ATP8A2: variants seen among roughly 807,000 people sequenced by gnomAD.
The protein encoded by ATP8A2 is ATPase phospholipid transporting 8A2, also known as phospholipid-transporting ATPase IB.
A neutral mutation model predicts 165.6 loss-of-function variants in ATP8A2; 100 were observed. The observed-to-expected ratio is 0.60, with a 90% CI of 0.51 to 0.71. The LOEUF is 0.71. ATP8A2 is among the 30% of genes least tolerant of loss of function. The probability of loss-of-function intolerance (pLI) is 0.00; values close to 1 mark genes in which losing one functional copy is unlikely to be tolerated. For synonymous variants in ATP8A2, 543 were observed against 548.8 expected (o/e 0.99, Z 0.15); for missense variants, 1,227 against 1,479.5 (o/e 0.83, Z 2.80).
intron 25 of ATP8A2, among the ~76,000 whole-genome samples, chr13:25,713,502 A>G (rs2043194324): frequency 6.6e-6 from 1 of 152,218 alleles, no homozygotes; most frequent in Non-Finnish European, 1.5e-5. Flanking sequence ...GGAAAAAACC[A>G]GAAAGCTCTC....
At chr13:25,840,789 C>T (rs947610414) in intron 30 of ATP8A2, among the ~76,000 whole-genome samples, 2 of 152,134 alleles carry the variant, frequency 1.3e-5, no homozygotes, top group Admixed American at 1.3e-4. Flanking sequence ...ACTCAGCCAT[C>T]ATTGTAGCAG....
intron 25 of ATP8A2, among the ~76,000 whole-genome samples, chr13:25,768,029 T>A (rs536943053): frequency 7.7e-6 from 1 of 129,400 alleles, no homozygotes; most frequent in East Asian, 2.4e-4. Flanking sequence ...CTCTGTGAAA[T>A]CCAGAAAAAT....
At chr13:25,943,708 T>G (rs1428500039) in intron 33 of ATP8A2, among the ~76,000 whole-genome samples, 1 of 152,256 alleles carries the variant, frequency 6.6e-6, no homozygotes, top group African/African-American at 2.4e-5. Context: ...TTATTTTCGC[T>G]TCATAGATCC....
intron 24 of ATP8A2, among the ~76,000 whole-genome samples, chr13:25,664,102 G>T (rs370683964): frequency 6.6e-6 from 1 of 152,044 alleles, no homozygotes; most frequent in African/African-American, 2.4e-5. Context: ...CCAGCTCCTC[G>T]GGAGCCTGAG....
chr13:25,476,989 G>C (rs2036013706), intron 2 of ATP8A2, among the ~76,000 whole-genome samples: 1 of 152,184 alleles, frequency 6.6e-6, no homozygotes, highest in African/African-American at 2.4e-5. Context: ...CTTTGGCATA[G>C]TACATTCCAG....
chr13:25,372,022 C>G lies in ATP8A2; in HGVS notation c.-191C>G. 1 of 214,334 alleles carries G rather than the reference C, an allele frequency of 4.7e-6. No individual in the cohort carries two copies. The highest frequency in any genetic ancestry group is 9.0e-6 in the Non-Finnish European group (1 of 111,608). 13.3% of individuals were successfully genotyped at this position (214,334 alleles called of 1,614,324 possible). A position where few individuals can be genotyped will look rare whatever the true frequency, so the allele number is the denominator to read the frequency against. On this transcript the variant is annotated 5_prime_UTR_variant, in exon 1 of 37. Transcript: ENST00000381655. This position sits in a 1 kb window ranked among gnomAD's most constrained non-coding sequence, Gnocchi z 4.8. ...CCGCGGTGGCGTTCGCGGATGCTGC[C>G]GCATTGGCCGCTGCGGCACGGACGG...
intron 27 of ATP8A2, among the ~76,000 whole-genome samples, chr13:25,802,472 C>T (rs1950641594): frequency 6.6e-6 from 1 of 152,126 alleles, no homozygotes. Context: ...ATACAGTAAT[C>T]CTAAGTGAGC....
intron 35 of ATP8A2, among the ~76,000 whole-genome samples, chr13:25,976,453 G>A (rs946514812): frequency 3.3e-5 from 5 of 152,104 alleles, no homozygotes; most frequent in Admixed American, 2.6e-4. Context: ...CCAAGATGTG[G>A]AGAGCCACCC....
intron 23 of ATP8A2, among the ~76,000 whole-genome samples, chr13:25,588,751 T>G (rs1385017561): frequency 6.6e-6 from 1 of 152,202 alleles, no homozygotes; most frequent in African/African-American, 2.4e-5. Context: ...TGGGCGTTGG[T>G]GGAAAGCACA....
intron 25 of ATP8A2, among the ~76,000 whole-genome samples, chr13:25,735,496 A>C (rs997546090): frequency 1.3e-5 from 2 of 152,086 alleles, no homozygotes; most frequent in African/African-American, 4.8e-5. Flanking sequence ...CATGGGCTCA[A>C]GTGATCTTCC....
chr13:25,521,679 T>C (rs1274283903), intron 2 of ATP8A2, among the ~76,000 whole-genome samples: 1 of 152,222 alleles, frequency 6.6e-6, no homozygotes, highest in East Asian at 1.9e-4. Flanking sequence ...ATGAATTGAC[T>C]ATAAATGCAT....
intron 33 of ATP8A2, among the ~76,000 whole-genome samples, chr13:25,869,830 G>A (rs975333274): frequency 6.6e-6 from 1 of 152,216 alleles, no homozygotes; most frequent in Admixed American, 6.5e-5. Context: ...AATGTTTACA[G>A]CTCCTGAACC....
At chr13:25,837,114 C>A in intron 28 of ATP8A2, 49 bp from the exon 29 acceptor site, 2 of 1,594,318 alleles carry the variant, frequency 1.3e-6, no homozygotes, top group Non-Finnish European at 1.7e-6. Flanking sequence ...ACAATGAAGC[C>A]GTGTGGATCC....
chr13:25,576,954 G>A, intron 19 of ATP8A2, 115 bp from the exon 20 acceptor site: 1 of 756,018 alleles, frequency 1.3e-6, no homozygotes, highest in Non-Finnish European at 2.3e-6. Context: ...GGGAAAGATA[G>A]ACCTTGTTCA....
At chr13:25,959,148 C>T (rs1370052643) in intron 33 of ATP8A2, among the ~76,000 whole-genome samples, 1 of 152,194 alleles carries the variant, frequency 6.6e-6, no homozygotes, top group Admixed American at 6.5e-5. Flanking sequence ...ACCCTGCAGG[C>T]AGGACAACAG....
intron 1 of ATP8A2, among the ~76,000 whole-genome samples, chr13:25,448,094 C>T (rs2035117840): frequency 6.6e-6 from 1 of 152,170 alleles, no homozygotes; most frequent in Non-Finnish European, 1.5e-5. Flanking sequence ...ATGTGAAGCC[C>T]TCATTTAGGG....
intron 35 of ATP8A2, among the ~76,000 whole-genome samples, chr13:25,992,548 G>C (rs1209742484): frequency 6.6e-6 from 1 of 151,990 alleles, no homozygotes; most frequent in Non-Finnish European, 1.5e-5. Flanking sequence ...TAGAAGAAAA[G>C]TTAATTTTAG....
intron 33 of ATP8A2, among the ~76,000 whole-genome samples, chr13:25,938,537 A>C (rs189377234): frequency 1.3e-5 from 2 of 151,508 alleles, no homozygotes; most frequent in Non-Finnish European, 2.9e-5. Context: ...CTAAACATGC[A>C]TGTGTGTGTG....
At chr13:25,584,215 G>A (rs1197440699) in intron 23 of ATP8A2, among the ~76,000 whole-genome samples, 3 of 152,178 alleles carry the variant, frequency 2.0e-5, no homozygotes, top group Admixed American at 1.3e-4. Context: ...GCCTACAAAT[G>A]ATGCAGAAGG....
Sources: gnomAD v4.1 joint callset for allele counts (sites outside exome capture counted in the v4.1 genomes callset) on GRCh38, gnomAD v4.1.1 for gene constraint, Gnocchi (gnomAD v3.1) non-coding constraint, MANE v1.5 for transcripts, NCBI Gene and HGNC (gene_info 2026-07-23, HGNC 2026-07-21) for gene names.